LDAF1: variants seen among roughly 807,000 people sequenced by gnomAD.
LDAF1 encodes the protein PROMETHIN.
In LDAF1, 7 loss-of-function variants were observed where a neutral mutation model predicts 13.5. The ratio of observed to expected loss-of-function variants is 0.52; its 90% CI spans 0.29 to 0.97. The LOEUF (loss-of-function observed/expected upper bound fraction) is 0.97. Among genes scored for constraint, LDAF1 ranks in the 50% least tolerant of loss-of-function variants. The pLI is 0.07. For synonymous variants in LDAF1, 69 were observed against 77.1 expected (o/e 0.89, Z 0.55); for missense variants, 148 against 193.2 (o/e 0.77, Z 1.39).
chr16:21,175,255 CT>C (rs2093128685), intron 4 of LDAF1, among the ~76,000 whole-genome samples: 1 of 152,234 alleles, frequency 6.6e-6, no homozygotes, highest in Non-Finnish European at 1.5e-5. Context: ...GTGCCAGGGA[CT>C]CTCTTAAACA....
At position 21,161,145 on chromosome 16, in the gene LDAF1, G is replaced by A. The variant is rs2092969333; in HGVS notation, c.-38G>A. ...GCTGCACTGGAGAATTTACTGGTAG[G>A]ATAATTCATCCCTAAAGAGATTGAA... On this transcript the variant is annotated 5_prime_UTR_variant, in exon 2 of 5. Coordinates refer to ENST00000233047, the MANE Select transcript of LDAF1 (RefSeq NM_001301771.2). The A allele has an allele frequency of 6.2e-7, 1 of 1,610,104 alleles. No individual in the cohort carries two copies. Among genetic ancestry groups the A allele is most frequent in the Admixed American group, 1.7e-5 (1 of 58,936 alleles).
At chr16:21,179,287 C>CT (rs2093163777) in intron 4 of LDAF1, 188 bp from the exon 5 acceptor site, 1 of 914,496 alleles carries the variant, frequency 1.1e-6, no homozygotes, top group African/African-American at 1.8e-5. Flanking sequence ...AACCCTACTC[C>CT]TAACCTGGTC....
chr16:21,172,721 A>C (rs1567199760), intron 3 of LDAF1: 1 of 414,432 alleles, frequency 2.4e-6, no homozygotes, highest in Non-Finnish European at 3.2e-6. Context: ...TAGAAATCTG[A>C]ATTTTTCACG....
At chr16:21,170,264 A>G (rs1465226371) in intron 2 of LDAF1, 173 bp from the exon 3 acceptor site, 1 of 983,014 alleles carries the variant, frequency 1.0e-6, no homozygotes, top group South Asian at 4.7e-5. Context: ...TGGCCTCCCA[A>G]AGTGTTGGGA....
chr16:21,173,645 G>A (rs1178889283), intron 3 of LDAF1, among the ~76,000 whole-genome samples: 6 of 151,940 alleles, frequency 3.9e-5, no homozygotes, highest in African/African-American at 7.3e-5. Flanking sequence ...CCTGGGAGGC[G>A]GAGGTTGCAG....
chr16:21,159,056 A>G (rs2092929507), intron 1 of LDAF1, among the ~76,000 whole-genome samples: 1 of 151,404 alleles, frequency 6.6e-6, no homozygotes. Flanking sequence ...AATGGTAGCT[A>G]GCACCACCAC....
In LDAF1 at chr16:21,170,525, C is replaced by T. The variant is rs145147020; in HGVS notation, c.185C>T (p.Ser62Leu). The T allele has an allele frequency of 1.2e-4, 200 of 1,614,042 alleles. No homozygotes were observed. The highest frequency in any genetic ancestry group is 1.0e-3 in the African/African-American group (78 of 74,920). ...ACCTTGCTGGTGTTCATTGTCATGTCGGCCGTTCCTGTTGGATTCTTCCTG... is the reference window on the plus strand; with the variant it reads ...ACCTTGCTGGTGTTCATTGTCATGTTGGCCGTTCCTGTTGGATTCTTCCTG... ...AFTLLVFIVM[S>L]AVPVGFFLLI... The change falls in exon 3 of 5, where the codon TCG becomes TTG. Residue 62 changes from serine (S) to leucine (L), a missense_variant. Transcript: ENST00000233047.
chr16:21,160,807 G>C lies in LDAF1; in HGVS notation c.-98-278G>C, dbSNP rs550135839. Among the ~76,000 whole-genome samples the C allele has an allele frequency of 1.9e-4, 29 of 152,262 alleles. No individual in the cohort carries two copies. The South Asian group carries it at 2.5e-3, about 13-fold the overall frequency. On this transcript the variant is annotated intron_variant, in intron 1 of 4. Transcript: ENST00000233047. ...CCAATTTTCTCCTAATGGAAATACA[G>C]TTAGCTACTTTCCAATGTTTTGCTA...
At chr16:21,174,206 T>G in intron 4 of LDAF1, 58 bp downstream of exon 4, 1 of 1,499,512 alleles carries the variant, frequency 6.7e-7, no homozygotes, top group Non-Finnish European at 9.0e-7. Context: ...TTTTGTTTTT[T>G]TGAGACAAGG....
At chr16:21,172,791 T>G (rs1352452697) in intron 3 of LDAF1, 1 of 983,984 alleles carries the variant, frequency 1.0e-6, no homozygotes, top group African/African-American at 1.7e-5. Context: ...TGAAAAACGC[T>G]GATCTAAAAT....
chr16:21,166,214 C>T (rs971637316), intron 2 of LDAF1, among the ~76,000 whole-genome samples: 1 of 152,060 alleles, frequency 6.6e-6, no homozygotes, highest in Non-Finnish European at 1.5e-5. Flanking sequence ...ATCCAAAACA[C>T]TATAATTTCA....
intron 2 of LDAF1, among the ~76,000 whole-genome samples, chr16:21,168,888 ATATTTATATTTATATATTTATATT>A (rs988974370): frequency 1.5e-5 from 2 of 134,654 alleles, no homozygotes; most frequent in Admixed American, 7.9e-5. Flanking sequence ...TTTATATTAT[ATATTTATATTTATATATTTATATT>A]TATTTATATT....
At chr16:21,167,819 C>T (rs2093040447) in intron 2 of LDAF1, among the ~76,000 whole-genome samples, 1 of 148,564 alleles carries the variant, frequency 6.7e-6, no homozygotes. Flanking sequence ...CCAGCCTGGA[C>T]AATATAGTGA....
chr16:21,171,066 A>C (rs967187981), intron 3 of LDAF1, among the ~76,000 whole-genome samples: 3 of 152,140 alleles, frequency 2.0e-5, no homozygotes, highest in Non-Finnish European at 4.4e-5. Flanking sequence ...GTAGCTTCTC[A>C]ATGAATGCTA....
chr16:21,159,565 G>T, intron 1 of LDAF1: 1 of 933,110 alleles, frequency 1.1e-6, no homozygotes, highest in Non-Finnish European at 1.6e-6. Context: ...GAAAGGGTTA[G>T]CTGGTGTTGG....
intron 3 of LDAF1, 34 bp from the exon 4 acceptor site, chr16:21,173,976 A>T: frequency 6.2e-7 from 1 of 1,601,084 alleles, no homozygotes; most frequent in East Asian, 2.2e-5. Context: ...CCTGTTTGAG[A>T]TGAACCCTTC....
At chr16:21,179,414 C>T (rs2093164687) in intron 4 of LDAF1, 61 bp from the exon 5 acceptor site, 1 of 1,613,068 alleles carries the variant, frequency 6.2e-7, no homozygotes, top group African/African-American at 1.3e-5. Flanking sequence ...GCTATGCACA[C>T]TTCCAACGTT....
intron 2 of LDAF1, among the ~76,000 whole-genome samples, chr16:21,163,962 A>G (rs550011575): frequency 1.3e-5 from 2 of 152,300 alleles, no homozygotes; most frequent in South Asian, 2.1e-4. Flanking sequence ...TCGGCCTCCC[A>G]AAGTGCTGGG....
Position 21,161,408 on chromosome 16 carries a change from C to T in LDAF1, c.96+130C>T, listed in dbSNP as rs183142747. The T allele has an allele frequency of 1.2e-4, 132 of 1,111,348 alleles. No homozygotes were observed. The African/African-American group carries it at 1.8e-3, about 15-fold the overall frequency. 68.8% of individuals were successfully genotyped at this position (1,111,348 alleles called of 1,614,324 possible). ...TCAAGAATCTTTCTGGCTTACCGCC[C>T]TGCCATGTCTATGCTGTGACCTTCA... On this transcript the variant is annotated intron_variant, in intron 2 of 4. Transcript: ENST00000233047.
Sources: allele counts gnomAD v4.1 joint callset (sites outside exome capture counted in the v4.1 genomes callset), GRCh38; gene constraint gnomAD v4.1.1; transcripts MANE v1.5; gene names NCBI Gene and HGNC (gene_info 2026-07-23, HGNC 2026-07-21).